Variants in AFF3 observed in about 807,000 individuals in gnomAD.
AFF3 encodes AF4/FMR2 family member 3.
Under a neutral mutation model 129.7 loss-of-function variants are expected in AFF3, and 32 were observed. The ratio of observed to expected loss-of-function variants is 0.25; its 90% confidence interval spans 0.19 to 0.33. The LOEUF is 0.33. Ranked by LOEUF, AFF3 falls within the 10% of genes least tolerant of loss-of-function variation. The probability of loss-of-function intolerance (pLI) is 1.00; values close to 1 mark genes in which losing one functional copy is unlikely to be tolerated. For synonymous variants in AFF3, 644 were observed against 635.4 expected (o/e 1.01, Z -0.20); for missense variants, 1,373 against 1,592.0 (o/e 0.86, Z 2.34).
At chr2:99,948,352 C>A (rs1228300162) in intron 7 of AFF3, among the ~76,000 whole-genome samples, 1 of 152,198 alleles carries the variant, frequency 6.6e-6, no homozygotes, top group African/African-American at 2.4e-5. Context: ...CTACCCTTAA[C>A]ACATCCTGCA....
rs1559051849 is a variant in AFF3, at chr2:100,007,455, G to A, written c.180C>T (p.Asn60=). The A allele has an allele frequency of 6.2e-7, 1 of 1,611,264 alleles. No homozygotes were observed. Among genetic ancestry groups the A allele is most frequent in the Admixed American group, 1.7e-5 (1 of 59,758 alleles). Reference sequence around the variant, plus strand: ...TCCGGTTGGAGAGTTCATCCCCCTTGTTAGTCTGGAGAAAGAAAAACACAT... The same window carrying A: ...TCCGGTTGGAGAGTTCATCCCCCTTATTAGTCTGGAGAAAGAAAAACACAT... The part of the protein sequence containing the change: ...YSLFSEPYKT[N]KGDELSNRIQ... The change falls in exon 6 of 25, where the codon AAC becomes AAT. Residue 60 remains asparagine (N), a synonymous_variant. Coordinates refer to ENST00000672756, the MANE Select transcript of AFF3 (RefSeq NM_001386135.1).
intron 13 of AFF3, among the ~76,000 whole-genome samples, chr2:99,626,597 G>A (rs1682612086): frequency 6.7e-6 from 1 of 148,522 alleles, no homozygotes; most frequent in Admixed American, 6.8e-5. Flanking sequence ...CACCTTTAAG[G>A]TCAGGGGTAC....
intron 7 of AFF3, among the ~76,000 whole-genome samples, chr2:100,004,359 CCT>C (rs1031069351): frequency 6.6e-6 from 1 of 152,120 alleles, no homozygotes; most frequent in Non-Finnish European, 1.5e-5. Context: ...AATCGTTTTA[CCT>C]CTTTCAAAAA....
intron 4 of AFF3, among the ~76,000 whole-genome samples, chr2:100,076,857 G>A (rs1362757635): frequency 6.6e-6 from 1 of 152,220 alleles, no homozygotes; most frequent in Non-Finnish European, 1.5e-5. Flanking sequence ...TGTGCAGTAA[G>A]TAGAAGAATG....
chr2:100,071,741 G>A (rs1365135987), intron 4 of AFF3, among the ~76,000 whole-genome samples: 2 of 152,132 alleles, frequency 1.3e-5, no homozygotes, highest in African/African-American at 2.4e-5. Flanking sequence ...ACCAAATTAC[G>A]ACATAAAGGG....
At chr2:99,857,725 A>G (rs1171372657) in intron 7 of AFF3, among the ~76,000 whole-genome samples, 1 of 152,166 alleles carries the variant, frequency 6.6e-6, no homozygotes, top group African/African-American at 2.4e-5. Flanking sequence ...CCTAAAAATA[A>G]TTAATCATTC....
At chr2:99,623,146 T>C (rs1280108342) in intron 13 of AFF3, among the ~76,000 whole-genome samples, 1 of 147,448 alleles carries the variant, frequency 6.8e-6, no homozygotes, top group African/African-American at 2.5e-5. Context: ...TGTTGACCTC[T>C]GGTTCTTTTT....
chr2:100,024,224 T>C (rs1265661107), intron 4 of AFF3, among the ~76,000 whole-genome samples: 3 of 71,490 alleles, frequency 4.2e-5, no homozygotes, highest in Admixed American at 2.4e-4. Flanking sequence ...AGAGCAAGAC[T>C]CCGTCTCAAA....
chr2:100,026,380 T>A (rs1320469034), intron 4 of AFF3, among the ~76,000 whole-genome samples: 1 of 151,988 alleles, frequency 6.6e-6, no homozygotes, highest in Non-Finnish European at 1.5e-5. Flanking sequence ...ATGGCCATAA[T>A]CAAAAAATCA....
chr2:99,660,115 CT>C (rs1327706112), intron 12 of AFF3, among the ~76,000 whole-genome samples: 1 of 152,154 alleles, frequency 6.6e-6, no homozygotes, highest in African/African-American at 2.4e-5. Context: ...CATTCTGGAC[CT>C]TTAAAAAGTC....
At chr2:99,667,692 A>C (rs943581816) in intron 12 of AFF3, among the ~76,000 whole-genome samples, 3 of 152,212 alleles carry the variant, frequency 2.0e-5, no homozygotes, top group Non-Finnish European at 4.4e-5. Context: ...CAGTCATCAA[A>C]AGGATAATAA....
intron 14 of AFF3, among the ~76,000 whole-genome samples, chr2:99,599,417 C>T (rs547932411): frequency 3.9e-4 from 60 of 152,288 alleles, no homozygotes; most frequent in African/African-American, 1.4e-3. Context: ...CACCACCACA[C>T]CCAGCTAATT....
chr2:99,869,809 G>A (rs1691733570), intron 7 of AFF3, among the ~76,000 whole-genome samples: 1 of 152,160 alleles, frequency 6.6e-6, no homozygotes, highest in South Asian at 2.1e-4. Context: ...TTAAAATTTT[G>A]ATCACTGGTG....
intron 4 of AFF3, among the ~76,000 whole-genome samples, chr2:100,060,458 G>A (rs2105223300): frequency 6.6e-6 from 1 of 152,222 alleles, no homozygotes; most frequent in South Asian, 2.1e-4. Context: ...GCTTAACCGG[G>A]CTACCTTTTC....
At chr2:100,123,416 A>G (rs1429904854) in intron 2 of AFF3, among the ~76,000 whole-genome samples, 13 of 152,208 alleles carry the variant, frequency 8.5e-5, no homozygotes, top group Non-Finnish European at 1.9e-4. Flanking sequence ...GAAAGTCGAT[A>G]TTAACAAAAA....
chr2:100,019,564 G>C (rs1683416363), intron 4 of AFF3, among the ~76,000 whole-genome samples: 1 of 152,220 alleles, frequency 6.6e-6, no homozygotes, highest in East Asian at 1.9e-4. Flanking sequence ...TGTGTGAAGA[G>C]AGAATGACCT....
intron 4 of AFF3, among the ~76,000 whole-genome samples, chr2:100,096,178 G>A (rs1439005037): frequency 1.3e-5 from 2 of 151,876 alleles, no homozygotes; most frequent in Non-Finnish European, 1.5e-5. Flanking sequence ...GTTACTGAGA[G>A]ATTCTCCACA....
At chr2:99,787,995 G>A (rs1684928840) in intron 8 of AFF3, among the ~76,000 whole-genome samples, 1 of 152,206 alleles carries the variant, frequency 6.6e-6, no homozygotes, top group African/African-American at 2.4e-5. Context: ...TAATGGAGCT[G>A]ACGTCCTATC....
intron 7 of AFF3, among the ~76,000 whole-genome samples, chr2:99,912,404 T>C (rs982905085): frequency 3.9e-5 from 6 of 152,230 alleles, no homozygotes; most frequent in African/African-American, 7.2e-5. Context: ...TGCTTCCAAA[T>C]ACCGCATAAC....
Sources: gnomAD v4.1 joint callset for allele counts (sites outside exome capture counted in the v4.1 genomes callset) on GRCh38, gnomAD v4.1.1 for gene constraint, MANE v1.5 for transcripts, NCBI Gene and HGNC (gene_info 2026-07-23, HGNC 2026-07-21) for gene names.